Variants in ZNF468 observed in about 807,000 individuals in gnomAD.
ZNF468 encodes zinc finger protein ZNF468.
In ZNF468, 8 loss-of-function variants were observed where a neutral mutation model predicts 7.2. That is an observed-to-expected ratio of 1.11 (90% CI 0.65 to 2.01). The LOEUF is 2.01. ZNF468 is among the 30% of genes most tolerant of loss of function. ZNF468 has a pLI of 0.00. For synonymous variants in ZNF468, 218 were observed against 214.4 expected (o/e 1.02, Z -0.15); for missense variants, 608 against 626.5 (o/e 0.97, Z 0.31).
In ZNF468 at chr19:52,841,865, G is replaced by A. The variant is rs2147726094; in HGVS notation, c.429C>T (p.Ser143=). The change falls in exon 4 of 4, where the codon AGC becomes AGT. Residue 143 remains serine (S), a synonymous_variant. Transcript: ENST00000595646. ...GCGGTTCAGGCAGATGCAAATGAAA[G>A]CTTGATCCAAGCTGATCTTTAATAC... The part of the protein sequence containing the change: ...NKRIKDQLGS[S]FHLHLPEPHI... The A allele has an allele frequency of 1.2e-6, 2 of 1,614,096 alleles. No individual in the cohort carries two copies. The highest frequency in any genetic ancestry group is 2.2e-5 in the South Asian group (2 of 91,076).
At chr19:52,849,031 A>G (rs774176546) in intron 3 of ZNF468, 56 bp downstream of exon 3, 11 of 1,600,840 alleles carry the variant, frequency 6.9e-6, no homozygotes, top group Non-Finnish European at 9.4e-6. Flanking sequence ...AAGAGACAAT[A>G]AGAGAAAATG....
chr19:52,849,055 G>C (rs115049665), intron 3 of ZNF468, 32 bp downstream of exon 3: 2 of 1,610,550 alleles, frequency 1.2e-6, no homozygotes, highest in East Asian at 4.5e-5. Context: ...AAATACACAA[G>C]GGCACATCCC....
At chr19:52,851,525 C>T (rs896821122) in intron 2 of ZNF468, among the ~76,000 whole-genome samples, 2 of 151,818 alleles carry the variant, frequency 1.3e-5, no homozygotes, top group South Asian at 4.2e-4. Context: ...TGCAGTGAGC[C>T]GAGAACACCA....
At chr19:52,855,092 T>C (rs746336152) in intron 1 of ZNF468, among the ~76,000 whole-genome samples, 117 of 151,798 alleles carry the variant, frequency 7.7e-4, no homozygotes, top group Admixed American at 2.0e-4. Context: ...GCACAAGAAT[T>C]GCTTGAACCC....
At chr19:52,850,947 T>C (rs2063384917) in intron 2 of ZNF468, among the ~76,000 whole-genome samples, 1 of 150,942 alleles carries the variant, frequency 6.6e-6, no homozygotes, top group South Asian at 2.1e-4. Context: ...ACACACATCA[T>C]GTGATGATAA....
In ZNF468 at chr19:52,841,644, C is replaced by T; in HGVS notation, c.650G>A (p.Cys217Tyr). Reference sequence around the variant, plus strand: ...ATTAAAGGATTTGAAGCTCTGTATACATTCAAAAGATTTTTCTCTCATGTG... The same window carrying T: ...ATTAAAGGATTTGAAGCTCTGTATATATTCAAAAGATTTTTCTCTCATGTG... ...EVHMREKSFECIQSFKSFNCS... is the reference protein window; with the variant it reads ...EVHMREKSFEYIQSFKSFNCS... Residue 217 changes from cysteine (C) to tyrosine (Y), a missense_variant, in exon 4 of 4, where the codon TGT (cysteine) becomes TAT (tyrosine). By Grantham distance (194) the Cys-to-Tyr change is radical. Coordinates refer to ENST00000595646, the MANE Select transcript of ZNF468 (RefSeq NM_001008801.2). 1.2e-6 allele frequency: 2 copies of T among 1,613,994 alleles called. No individual in the cohort carries two copies. The highest frequency in any genetic ancestry group is 1.3e-5 in the African/African-American group (1 of 74,982).
chr19:52,844,299 C>G (rs886258453), intron 3 of ZNF468, among the ~76,000 whole-genome samples: 1 of 149,594 alleles, frequency 6.7e-6, no homozygotes, highest in Non-Finnish European at 1.5e-5. Context: ...GCCTGTTCCT[C>G]TTTCCACCGT....
chr19:52,857,153 T>G (rs985340577), intron 1 of ZNF468, among the ~76,000 whole-genome samples: 49 of 151,486 alleles, frequency 3.2e-4, no homozygotes, highest in Non-Finnish European at 6.3e-4. Flanking sequence ...AAGGGTGGGA[T>G]CCGCAGGATC....
At chr19:52,845,127 T>A (rs2063332395) in intron 3 of ZNF468, 1 of 139,780 alleles carries the variant, frequency 7.2e-6, no homozygotes, top group Non-Finnish European at 1.6e-5. Flanking sequence ...AAGCTGAAAC[T>A]CCGTCTCTAC....
chr19:52,851,146 C>T (rs936943621), intron 2 of ZNF468, among the ~76,000 whole-genome samples: 2 of 151,808 alleles, frequency 1.3e-5, no homozygotes, highest in Admixed American at 6.6e-5. Context: ...GGTGATGGCA[C>T]GTGACTATAA....
Position 52,841,065 on chromosome 19 carries a change from G to A in ZNF468, c.1229C>T (p.Pro410Leu), listed in dbSNP as rs1362915141. The A allele has an allele frequency of 5.6e-6, 9 of 1,612,934 alleles. No homozygotes were observed. The highest frequency in any genetic ancestry group is 6.8e-6 in the Non-Finnish European group (8 of 1,179,326). Residue 410 changes from proline to leucine, a missense_variant, in exon 4 of 4, where the codon CCT (proline) becomes CTT (leucine). Pro to Leu is a moderately conservative substitution (Grantham distance 98). Transcript: ENST00000595646. ...TTTGCAACATTCTTCACATTTGTAA[G>A]GTTTCTCTCCACTATGAATCCTCCT... ...RHRRIHSGEK[P>L]YKCEECCKVF... is the part of the protein sequence containing the mutation.
At chr19:52,850,083 T>A (rs1297473128) in intron 2 of ZNF468, among the ~76,000 whole-genome samples, 1 of 152,158 alleles carries the variant, frequency 6.6e-6, no homozygotes, top group Non-Finnish European at 1.5e-5. Context: ...TATACATATG[T>A]GTATATATGT....
chr19:52,844,069 G>A (rs556900829), intron 3 of ZNF468, among the ~76,000 whole-genome samples: 3 of 152,260 alleles, frequency 2.0e-5, no homozygotes, highest in East Asian at 1.9e-4. Flanking sequence ...GCAGTGAGAC[G>A]AGATCATGCC....
chr19:52,840,390 ATGAG>A lies in ZNF468; in HGVS notation c.*331_*334del, dbSNP rs201501373. On this transcript the variant is annotated 3_prime_UTR_variant, in exon 4 of 4. Transcript: ENST00000595646. The stretch of plus-strand genomic sequence containing the variant: ...TCTTGCCACACTCATTACACTTATA[ATGAG>A]TTTCTCTCCAGTGTGAATTCTAGTA... The A allele has an allele frequency of 1.5e-3, 771 of 528,512 alleles. 19 individuals carry two copies. The East Asian group carries it at 0.029, about 20-fold the overall frequency. The allele number at this position is 528,512 out of a possible 1,614,324, so 32.7% of individuals were successfully genotyped here.
At position 52,840,970 on chromosome 19, in the gene ZNF468, T is replaced by G. The variant is rs769353189; in HGVS notation, c.1324A>C (p.Lys442Gln). 5.9e-5 allele frequency: 95 copies of G among 1,613,884 alleles called. No individual in the cohort carries two copies. The highest frequency in any genetic ancestry group is 7.4e-5 in the Non-Finnish European group (87 of 1,179,982). Residue 442 changes from lysine to glutamine, a missense_variant, in exon 4 of 4, where the codon AAG becomes CAG. Transcript: ENST00000595646. ...CTCTGGAAAGCCTTGTCACAAACCT[T>G]ACATTTGTATGGTTTCTCTCCAGTA... is the stretch of plus-strand genomic sequence containing the variant. ...IHTGEKPYKC[K>Q]VCDKAFQRDS...
chr19:52,853,737 A>G, intron 2 of ZNF468: 2 of 367,716 alleles, frequency 5.4e-6, no homozygotes, highest in Non-Finnish European at 8.0e-6. Flanking sequence ...ATTCATGTCT[A>G]TGTATGAACT....
Position 52,840,609 on chromosome 19 carries a change from T to G in ZNF468, c.*116A>C. On this transcript the variant is annotated 3_prime_UTR_variant, in exon 4 of 4. Transcript: ENST00000595646. Reference sequence around the variant, plus strand: ...TATGGTGATGTGCAAAGGTTGCTTTTTGATTAAAAACCTTGCCACATTCAT... The same window carrying G: ...TATGGTGATGTGCAAAGGTTGCTTTGTGATTAAAAACCTTGCCACATTCAT... The G allele has an allele frequency of 6.5e-7, 1 of 1,547,688 alleles. No individual in the cohort carries two copies.
chr19:52,839,823 G>T lies in ZNF468; in HGVS notation c.*902C>A. 1 of 533,802 alleles carries T rather than the reference G, an allele frequency of 1.9e-6. No individual in the cohort carries two copies. The highest frequency in any genetic ancestry group is 1.6e-5 in the South Asian group (1 of 62,916). The allele number at this position is 533,802 out of a possible 1,614,324, so 33.1% of individuals were successfully genotyped here. A position where few individuals can be genotyped will look rare whatever the true frequency, so the allele number is the denominator to read the frequency against. ...TCCAGCATGAGTTCACCAGTGAAATGCAAGGCATGAACGATGTCTGAAAAA... is the reference window on the plus strand; with the variant it reads ...TCCAGCATGAGTTCACCAGTGAAATTCAAGGCATGAACGATGTCTGAAAAA... On this transcript the variant is annotated 3_prime_UTR_variant, in exon 4 of 4. Transcript: ENST00000595646.
At chr19:52,850,756 G>C (rs1032214623) in intron 2 of ZNF468, among the ~76,000 whole-genome samples, 23 of 150,946 alleles carry the variant, frequency 1.5e-4, no homozygotes, top group Admixed American at 3.3e-4. Context: ...AAAATTAGCC[G>C]GGCGTGGTGG....
Sources: gnomAD v4.1 joint callset for allele counts (sites outside exome capture counted in the v4.1 genomes callset) on GRCh38, gnomAD v4.1.1 for gene constraint, MANE v1.5 for transcripts, NCBI Gene and HGNC (gene_info 2026-07-23, HGNC 2026-07-21) for gene names.